The following DDX27 variants were observed in gnomAD, a reference collection of about 807,000 sequenced individuals.
The protein encoded by DDX27 is DEAD-box helicase 27, also known as probable ATP-dependent RNA helicase DDX27.
A neutral mutation model predicts 99.3 loss-of-function variants in DDX27; 42 were observed. The ratio of observed to expected loss-of-function variants is 0.42; its 90% CI spans 0.33 to 0.55. DDX27 has a LOEUF of 0.55. Among genes scored for constraint, DDX27 ranks in the 20% least tolerant of loss-of-function variants. The pLI is 0.07. For missense variants in DDX27, 798 were observed against 976.8 expected, an observed-to-expected ratio of 0.82 and a Z score of 2.44; for synonymous variants, 329 against 353.8, an observed-to-expected ratio of 0.93 and a Z score of 0.79.
chr20:49,221,692 T>G, intron 2 of DDX27, 94 bp downstream of exon 2: 1 of 1,144,046 alleles, frequency 8.7e-7, no homozygotes, highest in Non-Finnish European at 1.2e-6. Flanking sequence ...TGACCATCTG[T>G]TTACATTCAG....
At chr20:49,228,642 T>A in intron 7 of DDX27, 73 bp from the exon 8 acceptor site, 1 of 1,362,236 alleles carries the variant, frequency 7.3e-7, no homozygotes, top group East Asian at 2.6e-5. Context: ...AGTTTTTCTG[T>A]GCTCTGGTGA....
At chr20:49,225,075 T>G in intron 5 of DDX27, 38 bp from the exon 6 acceptor site, 1 of 1,609,964 alleles carries the variant, frequency 6.2e-7, no homozygotes, top group Non-Finnish European at 8.5e-7. Flanking sequence ...TGGCTCTTTT[T>G]GTTGAATTCT....
intron 9 of DDX27, among the ~76,000 whole-genome samples, chr20:49,231,579 GAA>G (rs1276742717): frequency 1.3e-5 from 2 of 152,192 alleles, no homozygotes; most frequent in African/African-American, 2.4e-5. Context: ...ACTGGGGAGA[GAA>G]ATGCTGTAAG....
At chr20:49,226,160 ATC>A (rs1467406660) in intron 6 of DDX27, among the ~76,000 whole-genome samples, 1 of 152,188 alleles carries the variant, frequency 6.6e-6, no homozygotes, top group Non-Finnish European at 1.5e-5. Context: ...TTTCCGCAGC[ATC>A]TCTCCATATG....
chr20:49,227,817 C>T (rs964033726), intron 7 of DDX27, among the ~76,000 whole-genome samples: 2 of 151,230 alleles, frequency 1.3e-5, no homozygotes, highest in Non-Finnish European at 2.9e-5. Context: ...GCCTCCTGGC[C>T]CTGCCATATC....
Position 49,227,561 on chromosome 20 carries a change from T to G in DDX27, c.706+1026T>G, listed in dbSNP as rs373751929. On this transcript the variant is annotated intron_variant, in intron 7 of 20. Transcript: ENST00000618172. ...TTTGTATTTTTAGTAGAGAGAGGGT[T>G]TCACCATGTTGGCCAGGCTGGTCTC... Among the ~76,000 whole-genome samples, 703 of 152,066 alleles carry G rather than the reference T, an allele frequency of 4.6e-3. 4 individuals carry two copies. Among genetic ancestry groups the G allele is most frequent in the Middle Eastern group, 0.02 (6 of 294 alleles).
chr20:49,239,500 T>A (rs238156), intron 16 of DDX27, among the ~76,000 whole-genome samples, 162 bp downstream of exon 16: 2 of 151,928 alleles, frequency 1.3e-5, no homozygotes, highest in Non-Finnish European at 2.9e-5. Flanking sequence ...GGTGTGGGGG[T>A]TGCATTAGAT....
chr20:49,241,525 T>C (rs1980476037), intron 16 of DDX27, among the ~76,000 whole-genome samples: 1 of 151,452 alleles, frequency 6.6e-6, no homozygotes, highest in Non-Finnish European at 1.5e-5. Context: ...CAGGCTGGAG[T>C]GCAGTGGCGC....
chr20:49,243,759 T>C (rs1275035288), intron 20 of DDX27, 56 bp downstream of exon 20: 1 of 1,613,960 alleles, frequency 6.2e-7, no homozygotes. Context: ...TAAAAACCTT[T>C]CATGGAAAAG....
rs1017520344 is a variant in DDX27 at position 49,235,049 on chromosome 20, A to T, written c.1388A>T (p.His463Leu). ...GLMGLQVGEL[H>L]GNLSQTQRLE... ...ATGGGGCTGCAGGTGGGTGAGCTCC[A>T]TGGCAACTTGTCACAGACGCAGCGG... is the stretch of plus-strand genomic sequence containing the variant. Residue 463 changes from histidine to leucine, a missense_variant, in exon 12 of 21, where the codon CAT (histidine) becomes CTT (leucine). Around this residue, in one of 2 missense-constraint regions of DDX27, gnomAD observed 553 missense variants for 727.9 expected, o/e 0.76. Coordinates refer to ENST00000618172, the MANE Select transcript of DDX27 (RefSeq NM_017895.8). 4 of 1,612,866 alleles carry T rather than the reference A, an allele frequency of 2.5e-6. No individual in the cohort carries two copies. The highest frequency in any genetic ancestry group is 3.4e-6 in the Non-Finnish European group (4 of 1,179,484).
intron 9 of DDX27, among the ~76,000 whole-genome samples, chr20:49,230,580 C>T (rs1349401904): frequency 1.3e-5 from 2 of 152,170 alleles, no homozygotes; most frequent in African/African-American, 4.8e-5. Context: ...AAATGTTGGT[C>T]CTGCCACTTC....
intron 9 of DDX27, 109 bp from the exon 10 acceptor site, chr20:49,233,197 C>G (rs1980182862): frequency 4.1e-6 from 3 of 737,074 alleles, no homozygotes; most frequent in Non-Finnish European, 7.0e-6. Context: ...ATAGATGAGT[C>G]CTAAATGTAA....
At chr20:49,238,622 C>G (rs238155) in intron 14 of DDX27, 201,216 of 282,358 alleles carry the variant, frequency 0.71, 73,314 homozygotes, top group Non-Finnish European at 0.78. Flanking sequence ...CGTGTGCCCC[C>G]ACACCCAGCT....
At position 49,236,244 on chromosome 20, in the gene DDX27, T is replaced by C. The variant is rs745819579; in HGVS notation, c.1509+13T>C. The C allele has an allele frequency of 6.3e-7, 1 of 1,596,866 alleles. No homozygotes were observed. Among genetic ancestry groups the C allele is most frequent in the Non-Finnish European group, 8.5e-7 (1 of 1,171,392 alleles). ...GGGGGTCAAAACGGTGAGCAGACAC[T>C]ATCTTCCTTGGACTTTTGGTGGAAG... On this transcript the variant is annotated intron_variant, in intron 13 of 20. Coordinates refer to ENST00000618172, the MANE Select transcript of DDX27 (RefSeq NM_017895.8). The surrounding 1 kb of genome is among the most constrained non-coding windows in gnomAD (Gnocchi z 4.1).
intron 6 of DDX27, 107 bp from the exon 7 acceptor site, chr20:49,226,323 T>A: frequency 2.9e-6 from 2 of 691,938 alleles, no homozygotes; most frequent in Non-Finnish European, 4.8e-6. Context: ...GAACGAATGA[T>A]TGGTGGGGAT....
intron 14 of DDX27, chr20:49,238,613 G>C: frequency 3.8e-6 from 1 of 265,622 alleles, no homozygotes; most frequent in South Asian, 4.6e-5. Context: ...GATTACAGGC[G>C]TGTGCCCCCA....
At chr20:49,224,530 T>C (rs1290235771) in intron 4 of DDX27, among the ~76,000 whole-genome samples, 1 of 152,010 alleles carries the variant, frequency 6.6e-6, no homozygotes, top group African/African-American at 2.4e-5. Context: ...ACCTGGCTAA[T>C]TTTTGTATTT....
At chr20:49,239,156 C>T (rs768869851) in intron 15 of DDX27, 80 bp from the exon 16 acceptor site, 31 of 1,530,214 alleles carry the variant, frequency 2.0e-5, no homozygotes, top group Non-Finnish European at 4.5e-6. Flanking sequence ...CCCATCAGAG[C>T]CCCAGGCATT....
At chr20:49,220,321 C>T (rs1979603347) in intron 1 of DDX27, among the ~76,000 whole-genome samples, 1 of 152,206 alleles carries the variant, frequency 6.6e-6, no homozygotes, top group Non-Finnish European at 1.5e-5. Context: ...TCCCGCCTCT[C>T]TCCATTCACA....
Sources: gnomAD v4.1 joint callset for allele counts (sites outside exome capture counted in the v4.1 genomes callset) on GRCh38, gnomAD v4.1.1 for gene constraint, gnomAD v4.1.1 regional missense constraint, Gnocchi (gnomAD v3.1) non-coding constraint, MANE v1.5 for transcripts, NCBI Gene and HGNC (gene_info 2026-07-23, HGNC 2026-07-21) for gene names.